Variants in RRAS2 observed in about 807,000 individuals in gnomAD.
RRAS2 encodes the protein RAS related 2, also known as ras-related protein R-Ras2.
A neutral mutation model predicts 27.6 loss-of-function variants in RRAS2; 7 were observed. The ratio of observed to expected loss-of-function variants is 0.25; its 90% CI spans 0.14 to 0.48. The LOEUF is 0.48. RRAS2 is among the 20% of genes least tolerant of loss of function. The pLI is 0.99. For missense variants in RRAS2, 178 were observed against 256.2 expected (o/e 0.69, Z 2.08); for synonymous variants, 86 against 90.9 (o/e 0.95, Z 0.31).
intron 1 of RRAS2, among the ~76,000 whole-genome samples, chr11:14,324,220 T>TA (rs1188504596): frequency 6.6e-6 from 1 of 151,784 alleles, no homozygotes; most frequent in African/African-American, 2.4e-5. Flanking sequence ...TATTTGGATA[T>TA]AAAAGTCTAC....
chr11:14,313,143 T>C (rs1377874057), intron 1 of RRAS2, among the ~76,000 whole-genome samples: 2 of 152,222 alleles, frequency 1.3e-5, no homozygotes, highest in Non-Finnish European at 2.9e-5. Context: ...ACTATAAACA[T>C]TTATCTTATA....
Position 14,318,494 on chromosome 11 carries a change from ATC to A in RRAS2, c.109-22641_109-22640del, listed in dbSNP as rs1242213983. On this transcript the variant is annotated intron_variant, in intron 1 of 5. Transcript: ENST00000256196. ...CTCCAGCCTGGGTGACAGAGAGAGA[ATC>A]TGTCTCAAAACAAACAAACAAACAA... 5.9e-5 allele frequency among the ~76,000 whole-genome samples: 9 copies of A among 151,724 alleles called. No homozygotes were observed. In the East Asian group the frequency reaches 1.7e-3, roughly 29 times the overall value.
chr11:14,326,298 C>T (rs1412851671), intron 1 of RRAS2, among the ~76,000 whole-genome samples: 1 of 152,168 alleles, frequency 6.6e-6, no homozygotes, highest in Non-Finnish European at 1.5e-5. Context: ...TTTTAAAATG[C>T]TGCTGCTATT....
At chr11:14,290,100 A>C in intron 4 of RRAS2, among the ~76,000 whole-genome samples, 1 of 151,764 alleles carries the variant, frequency 6.6e-6, no homozygotes. Flanking sequence ...TGGTAGAACA[A>C]CGTAAGTGTG....
At chr11:14,360,999 G>C (rs922058332), upstream of RRAS2, among the ~76,000 whole-genome samples, 1 of 150,996 alleles carries the variant, frequency 6.6e-6, no homozygotes, top group Non-Finnish European at 1.5e-5. Context: ...AAAATCATGA[G>C]CAAAATAAAA....
intron 1 of RRAS2, among the ~76,000 whole-genome samples, chr11:14,350,398 G>A (rs7118490): frequency 0.15 from 22,391 of 151,812 alleles, 1,866 homozygotes; most frequent in African/African-American, 0.19. Flanking sequence ...AGAGCCTGGC[G>A]CCTCCCCCAC....
In RRAS2 at chr11:14,358,032, G is replaced by C. The variant is rs1262936577; in HGVS notation, c.108+731C>G. On this transcript the variant is annotated intron_variant, in intron 1 of 5. Coordinates refer to ENST00000256196, the MANE Select transcript of RRAS2 (RefSeq NM_012250.6). This position sits in a 1 kb window ranked among gnomAD's most constrained non-coding sequence, Gnocchi z 5.1. ...GGTTAGAAAACAGAACGCACGACTC[G>C]GTCATATCCTAGCCCGGCCCATCCC... 2.0e-5 allele frequency among the ~76,000 whole-genome samples: 3 copies of C among 152,112 alleles called. No individual in the cohort carries two copies. Among genetic ancestry groups the C allele is most frequent in the African/African-American group, 7.2e-5 (3 of 41,414 alleles).
chr11:14,298,098 CCACT>C (rs1366980003), intron 1 of RRAS2, among the ~76,000 whole-genome samples: 1 of 151,986 alleles, frequency 6.6e-6, no homozygotes, highest in Non-Finnish European at 1.5e-5. Context: ...TTCTCTACAC[CCACT>C]ATTTTAAACA....
chr11:14,294,620 C>A, intron 3 of RRAS2, 41 bp from the exon 4 acceptor site: 3 of 1,511,982 alleles, frequency 2.0e-6, no homozygotes, highest in South Asian at 2.4e-5. Flanking sequence ...TCAATTTGGT[C>A]AAGTATCAGA....
Position 14,278,252 on chromosome 11 carries a change from T to C in RRAS2, c.*1085A>G, listed in dbSNP as rs782670158. 6 of 152,216 alleles carry C rather than the reference T, an allele frequency of 3.9e-5. No individual in the cohort carries two copies. Among genetic ancestry groups the C allele is most frequent in the South Asian group, 4.1e-4 (2 of 4,832 alleles). 9.4% of individuals were successfully genotyped at this position (152,216 alleles called of 1,614,324 possible). A position where few individuals can be genotyped will look rare whatever the true frequency, so the allele number is the denominator to read the frequency against. ...ATTGGGAAGGTTTCTTGAGTAGTTA[T>C]GTGACTGGCCAAAGATGGGTACAAC... On this transcript the variant is annotated 3_prime_UTR_variant, in exon 6 of 6. Coordinates refer to ENST00000256196, the MANE Select transcript of RRAS2 (RefSeq NM_012250.6).
chr11:14,289,926 C>A (rs1554945565), intron 4 of RRAS2, among the ~76,000 whole-genome samples: 1 of 152,070 alleles, frequency 6.6e-6, no homozygotes, highest in Admixed American at 6.5e-5. Flanking sequence ...AAAGAAACTA[C>A]AAATGATCAA....
intron 1 of RRAS2, among the ~76,000 whole-genome samples, chr11:14,340,079 G>A (rs1300158762): frequency 3.5e-5 from 5 of 141,504 alleles, no homozygotes; most frequent in Non-Finnish European, 7.7e-5. Context: ...GCAGTGAGCC[G>A]AGGTCGCGCC....
Position 14,358,555 on chromosome 11 carries a change from C to T in RRAS2, c.108+208G>A. On this transcript the variant is annotated intron_variant, in intron 1 of 5. Transcript: ENST00000256196. This position sits in a 1 kb window ranked among gnomAD's most constrained non-coding sequence, Gnocchi z 5.1. ...CCACATTCCTGAGAAGCCCTACTCCCGCGACGCCGCGCCCGGGAGGAGGCA... is the reference window on the plus strand; with the variant it reads ...CCACATTCCTGAGAAGCCCTACTCCTGCGACGCCGCGCCCGGGAGGAGGCA... 1.0e-6 allele frequency: 1 copy of T among 986,520 alleles called. No homozygotes were observed. The highest frequency in any genetic ancestry group is 1.2e-6 in the Non-Finnish European group (1 of 830,894). 61.1% of individuals were successfully genotyped at this position (986,520 alleles called of 1,614,324 possible). A position where few individuals can be genotyped will look rare whatever the true frequency, so the allele number is the denominator to read the frequency against.
intron 4 of RRAS2, among the ~76,000 whole-genome samples, chr11:14,288,592 A>C (rs1361118554): frequency 6.6e-6 from 1 of 152,234 alleles, no homozygotes; most frequent in African/African-American, 2.4e-5. Flanking sequence ...AATAATATTA[A>C]GCCTCATCTC....
intron 1 of RRAS2, among the ~76,000 whole-genome samples, chr11:14,298,175 C>T (rs1396666728): frequency 1.3e-5 from 2 of 152,196 alleles, no homozygotes; most frequent in African/African-American, 4.8e-5. Flanking sequence ...TTTTAAGATT[C>T]ATTTCTTGAA....
intron 1 of RRAS2, among the ~76,000 whole-genome samples, chr11:14,298,207 G>A (rs1456410492): frequency 6.6e-6 from 1 of 152,136 alleles, no homozygotes; most frequent in Non-Finnish European, 1.5e-5. Flanking sequence ...CATATGCCAT[G>A]CTTTTATATC....
At chr11:14,290,191 C>T (rs1554945612) in intron 4 of RRAS2, among the ~76,000 whole-genome samples, 1 of 152,224 alleles carries the variant, frequency 6.6e-6, no homozygotes, top group African/African-American at 2.4e-5. Context: ...AGGCTCACAC[C>T]TGTAATCCCA....
chr11:14,314,566 C>T (rs1848051498), intron 1 of RRAS2, among the ~76,000 whole-genome samples: 1 of 152,126 alleles, frequency 6.6e-6, no homozygotes, highest in South Asian at 2.1e-4. Context: ...CAATTAGATG[C>T]CATAAAATAA....
intron 4 of RRAS2, among the ~76,000 whole-genome samples, chr11:14,291,958 T>C (rs2163460): frequency 0.85 from 129,534 of 152,212 alleles, 55,454 homozygotes; most frequent in Admixed American, 0.9. Context: ...ATTTACTTTT[T>C]ATATACACTT....
Sources: allele counts gnomAD v4.1 joint callset (sites outside exome capture counted in the v4.1 genomes callset), GRCh38; gene constraint gnomAD v4.1.1; non-coding constraint Gnocchi (gnomAD v3.1); transcripts MANE v1.5; gene names NCBI Gene and HGNC (gene_info 2026-07-23, HGNC 2026-07-21).